Variants in AFF3 observed in about 807,000 individuals in gnomAD.
The protein encoded by AFF3 is ALF transcription elongation factor 3, also known as AF4/FMR2 family member 3.
In AFF3, 32 loss-of-function variants were observed where a neutral mutation model predicts 129.7. The ratio of observed to expected loss-of-function variants is 0.25; its 90% CI spans 0.19 to 0.33. The LOEUF is 0.33. Ranked by LOEUF, AFF3 falls within the 10% of genes least tolerant of loss-of-function variation. The pLI is 1.00. For synonymous variants in AFF3, 644 were observed against 635.4 expected (o/e 1.01, Z -0.20); for missense variants, 1,373 against 1,592.0 (o/e 0.86, Z 2.34).
At chr2:99,711,519 A>T (rs1677889738) in intron 11 of AFF3, among the ~76,000 whole-genome samples, 1 of 152,148 alleles carries the variant, frequency 6.6e-6, no homozygotes, top group Non-Finnish European at 1.5e-5. Flanking sequence ...TGCAAAGAGA[A>T]CCTGCGATCT....
At chr2:99,571,053 T>C (rs112791128) in intron 18 of AFF3, among the ~76,000 whole-genome samples, 1,648 of 152,344 alleles carry the variant, frequency 0.011, 13 homozygotes, top group Non-Finnish European at 0.017. Context: ...GGTACGTTTT[T>C]AGTAAGGACC....
At chr2:99,577,490 C>T (rs1677111342) in intron 18 of AFF3, among the ~76,000 whole-genome samples, 1 of 152,146 alleles carries the variant, frequency 6.6e-6, no homozygotes, top group Non-Finnish European at 1.5e-5. Flanking sequence ...GGTTTGTAGT[C>T]TGCTCCTCAG....
At chr2:99,691,767 G>A (rs1200660302) in intron 11 of AFF3, among the ~76,000 whole-genome samples, 6 of 152,210 alleles carry the variant, frequency 3.9e-5, no homozygotes, top group Admixed American at 6.5e-5. Context: ...GTCAGTGACA[G>A]GGTGTGGGGT....
intron 9 of AFF3, among the ~76,000 whole-genome samples, chr2:99,750,055 A>G (rs1256838371): frequency 6.6e-6 from 1 of 152,228 alleles, no homozygotes; most frequent in African/African-American, 2.4e-5. Context: ...AATAAAATAG[A>G]GGACACTTAG....
chr2:99,840,469 A>T (rs1175361107), intron 7 of AFF3, among the ~76,000 whole-genome samples: 2 of 152,250 alleles, frequency 1.3e-5, no homozygotes, highest in Non-Finnish European at 2.9e-5. Context: ...TGCAAGGCAC[A>T]GCCACTGCTA....
At chr2:99,672,768 A>G (rs558377070) in intron 11 of AFF3, among the ~76,000 whole-genome samples, 179 bp from the exon 12 acceptor site, 2 of 152,260 alleles carry the variant, frequency 1.3e-5, no homozygotes. Flanking sequence ...CACTTAGGAA[A>G]TAGTAGACAG....
At chr2:99,721,516 A>G (rs2104950546) in intron 11 of AFF3, among the ~76,000 whole-genome samples, 1 of 143,132 alleles carries the variant, frequency 7.0e-6, no homozygotes, top group African/African-American at 2.6e-5. Context: ...GGACAGAGTG[A>G]GACTCTGTCT....
chr2:99,945,817 G>A (rs1055399406), intron 7 of AFF3, among the ~76,000 whole-genome samples: 6 of 152,262 alleles, frequency 3.9e-5, no homozygotes, highest in Non-Finnish European at 7.4e-5. Flanking sequence ...AGATGCTTGG[G>A]GTTTAAAAAC....
chr2:100,006,377 A>G, intron 7 of AFF3: 1 of 385,120 alleles, frequency 2.6e-6, no homozygotes, highest in Non-Finnish European at 4.6e-6. Context: ...AGTGAAGGGG[A>G]CATTCCTTCC....
chr2:100,102,373 C>T (rs1168658292), intron 4 of AFF3, among the ~76,000 whole-genome samples: 3 of 151,810 alleles, frequency 2.0e-5, no homozygotes, highest in Admixed American at 1.3e-4. Flanking sequence ...GCCAAACTGT[C>T]CTAGTATATT....
intron 13 of AFF3, chr2:99,630,530 A>G (rs1683030636): frequency 6.6e-6 from 1 of 152,286 alleles, no homozygotes; most frequent in South Asian, 2.1e-4. Flanking sequence ...GGGGCCAGGT[A>G]TATTAGTTCA....
At chr2:100,015,571 CTAAT>C (rs1159950399) in intron 4 of AFF3, among the ~76,000 whole-genome samples, 1 of 152,206 alleles carries the variant, frequency 6.6e-6, no homozygotes, top group Non-Finnish European at 1.5e-5. Flanking sequence ...ATGAGTCAAA[CTAAT>C]TAACATCTCT....
intron 8 of AFF3, among the ~76,000 whole-genome samples, chr2:99,773,243 AC>A (rs917407314): frequency 6.6e-6 from 1 of 151,932 alleles, no homozygotes; most frequent in Non-Finnish European, 1.5e-5. Context: ...GAGGGCAGAG[AC>A]CCCCTCTGTT....
chr2:99,579,416 A>T (rs1575412313), intron 17 of AFF3, among the ~76,000 whole-genome samples: 1 of 144,376 alleles, frequency 6.9e-6, no homozygotes, highest in African/African-American at 2.6e-5. Flanking sequence ...AAAAAAAAAA[A>T]AAAATAAATA....
rs182458671 is a variant in AFF3, at chr2:99,794,614, T to A, written c.922-42313A>T. Among the ~76,000 whole-genome samples, 11 of 152,290 alleles carry A rather than the reference T, an allele frequency of 7.2e-5. No homozygotes were observed. The East Asian group carries it at 1.5e-3, about 21-fold the overall frequency. ...AGCTAAAGACTCAAGGGGTCCCCTA[T>A]GTAGATTTCTGGAACTCTTCCTCTG... On this transcript the variant is annotated intron_variant, in intron 8 of 24. Transcript: ENST00000672756.
Position 99,582,833 on chromosome 2 carries a change from C to T in AFF3, c.2758G>A (p.Asp920Asn), listed in dbSNP as rs202104245. 1.4e-4 allele frequency: 228 copies of T among 1,614,164 alleles called. No homozygotes were observed. The highest frequency in any genetic ancestry group is 6.9e-4 in the African/African-American group (52 of 75,040). The change falls in exon 17 of 25, where the codon GAC (aspartate) becomes AAC (asparagine). Residue 920 changes from aspartate (D) to asparagine (N), a missense_variant. Around this residue, in one of 9 missense-constraint regions of AFF3, gnomAD observed 466 missense variants for 505.0 expected, o/e 0.92. Coordinates refer to ENST00000672756, the MANE Select transcript of AFF3 (RefSeq NM_001386135.1). ...SASSSKKPKA[D>N]SQLQPHGGDL... ...CCGCCGTGAGGCTGCAGCTGGCTGTCGGCCTTAGGCTTTTTGCTGGAAGAG... is the reference window on the plus strand; with the variant it reads ...CCGCCGTGAGGCTGCAGCTGGCTGTTGGCCTTAGGCTTTTTGCTGGAAGAG...
At chr2:100,080,441 A>G (rs1420567957) in intron 4 of AFF3, among the ~76,000 whole-genome samples, 1 of 152,154 alleles carries the variant, frequency 6.6e-6, no homozygotes, top group African/African-American at 2.4e-5. Context: ...CTAAAAACAA[A>G]CAAACAAACA....
At chr2:99,591,869 C>T (rs989563708) in intron 15 of AFF3, among the ~76,000 whole-genome samples, 8 of 152,150 alleles carry the variant, frequency 5.3e-5, no homozygotes, top group Non-Finnish European at 1.2e-4. Context: ...AGCCTCTGTT[C>T]CCTCTCCGTA....
At chr2:99,655,151 C>T (rs569513683) in intron 12 of AFF3, among the ~76,000 whole-genome samples, 15 of 151,534 alleles carry the variant, frequency 9.9e-5, no homozygotes, top group Admixed American at 7.2e-4. Flanking sequence ...GTGGCAGTCA[C>T]AACAAGCAAA....
Sources: allele counts gnomAD v4.1 joint callset (sites outside exome capture counted in the v4.1 genomes callset), GRCh38; gene constraint gnomAD v4.1.1; regional missense constraint gnomAD v4.1.1; transcripts MANE v1.5; gene names NCBI Gene and HGNC (gene_info 2026-07-23, HGNC 2026-07-21).